EPHA10: variants seen among roughly 807,000 people sequenced by gnomAD.
EPHA10 encodes the protein ephrin type-A receptor 10.
EPHA10 carries 120 observed loss-of-function variants against 109.7 expected under a neutral mutation model. The ratio of observed to expected loss-of-function variants is 1.09; its 90% CI spans 0.94 to 1.27. The LOEUF is 1.27. Among genes scored for constraint, EPHA10 ranks in the 50% most tolerant of loss-of-function variants. The pLI is 0.00. For missense variants in EPHA10, 1,396 were observed against 1,411.1 expected (o/e 0.99, Z 0.17); for synonymous variants, 640 against 618.9 (o/e 1.03, Z -0.51).
At chr1:37,747,665 G>A (rs754485693) in intron 5 of EPHA10, among the ~76,000 whole-genome samples, 6 of 152,068 alleles carry the variant, frequency 3.9e-5, no homozygotes, top group Non-Finnish European at 8.8e-5. Flanking sequence ...CTACTTGGGA[G>A]GCTGAGGCAG....
At chr1:37,742,393 A>G (rs1481125174) in intron 5 of EPHA10, among the ~76,000 whole-genome samples, 24 of 152,226 alleles carry the variant, frequency 1.6e-4, no homozygotes, top group Non-Finnish European at 2.9e-4. Flanking sequence ...TGGGCTTACA[A>G]TCCAGTTCTG....
rs1319256616 is a variant in EPHA10 at position 37,719,509 on chromosome 1, T to C, written c.2661A>G (p.Pro887=). 7 of 1,613,980 alleles carry C rather than the reference T, an allele frequency of 4.3e-6. No homozygotes were observed. Among genetic ancestry groups the C allele is most frequent in the Non-Finnish European group, 5.1e-6 (6 of 1,179,984 alleles). Residue 887 remains proline (P), a synonymous_variant, in exon 15 of 17, where the codon CCA becomes CCG. Coordinates refer to ENST00000373048, the MANE Select transcript of EPHA10 (RefSeq NM_001099439.2). ...RLMLDCWQKD[P]GERPRFSQIH... is the part of the protein sequence containing the mutation. ...TCTGGGAGAACCTGGGCCGCTCACCTGGGTCCTTCTGCCAGCAGTCGAGCA... is the reference window on the plus strand; with the variant it reads ...TCTGGGAGAACCTGGGCCGCTCACCCGGGTCCTTCTGCCAGCAGTCGAGCA...
At chr1:37,749,948 A>C (rs1450308201) in intron 5 of EPHA10, among the ~76,000 whole-genome samples, 3 of 152,204 alleles carry the variant, frequency 2.0e-5, no homozygotes, top group Non-Finnish European at 2.9e-5. Context: ...GGAGTCTTTC[A>C]GCTCCGTTAT....
intron 7 of EPHA10, among the ~76,000 whole-genome samples, chr1:37,729,554 C>T (rs11807690): frequency 0.017 from 2,537 of 151,600 alleles, 69 homozygotes; most frequent in African/African-American, 0.058. Flanking sequence ...AAGATTCCAT[C>T]GCTCTTTTTA....
chr1:37,741,127 T>C (rs1646146625), intron 5 of EPHA10, among the ~76,000 whole-genome samples: 1 of 152,186 alleles, frequency 6.6e-6, no homozygotes, highest in South Asian at 2.1e-4. Context: ...TGAGCCTCAG[T>C]TTCCCCGTGT....
At chr1:37,730,841 G>A (rs568490071) in intron 7 of EPHA10, among the ~76,000 whole-genome samples, 21 of 152,078 alleles carry the variant, frequency 1.4e-4, no homozygotes, top group African/African-American at 4.3e-4. Flanking sequence ...ACAGGTGCCC[G>A]CCACCACGCC....
At position 37,754,146 on chromosome 1, in the gene EPHA10, G is replaced by A; in HGVS notation, c.1006+69C>T. ...GAGACCCTGCCCTCACCACCACCTG[G>A]ATCAGGCCTTCCTTCTTGGCCACTC... On this transcript the variant is annotated intron_variant, in intron 4 of 16. Coordinates refer to ENST00000373048, the MANE Select transcript of EPHA10 (RefSeq NM_001099439.2). The surrounding 1 kb of genome is among the most constrained non-coding windows in gnomAD (Gnocchi z 4.5). The A allele has an allele frequency of 1.6e-6, 2 of 1,249,336 alleles. No homozygotes were observed. Among genetic ancestry groups the A allele is most frequent in the Non-Finnish European group, 2.0e-6 (2 of 989,084 alleles). The allele number at this position is 1,249,336 out of a possible 1,614,324, so 77.4% of individuals were successfully genotyped here.
chr1:37,760,372 G>C (rs1468122848), intron 3 of EPHA10: 144 of 1,053,160 alleles, frequency 1.4e-4, no homozygotes, highest in Non-Finnish European at 1.6e-4. Flanking sequence ...GAGAGAATGA[G>C]AGGTCTGTTC....
At chr1:37,742,117 TC>T (rs747512214) in intron 5 of EPHA10, among the ~76,000 whole-genome samples, 70 of 152,304 alleles carry the variant, frequency 4.6e-4, no homozygotes, top group Non-Finnish European at 8.2e-4. Flanking sequence ...GCCTGATAAA[TC>T]CTGCTAGTGG....
intron 16 of EPHA10, 39 bp downstream of exon 16, chr1:37,718,622 C>T (rs763867002): frequency 1.6e-5 from 26 of 1,612,786 alleles, no homozygotes; most frequent in Non-Finnish European, 1.8e-5. Flanking sequence ...CCTGTGGAAT[C>T]CCCCAGCCCC....
intron 4 of EPHA10, among the ~76,000 whole-genome samples, chr1:37,753,860 T>G (rs1281191759): frequency 6.6e-6 from 1 of 151,738 alleles, no homozygotes; most frequent in East Asian, 1.9e-4. Context: ...GATGGCAGCA[T>G]GGGGACCGAA....
At position 37,721,745 on chromosome 1, in the gene EPHA10, CTG is replaced by C; in HGVS notation, c.2059_2060del (p.Gln687GlufsTer15). The C allele has an allele frequency of 6.2e-7, 1 of 1,612,756 alleles. No individual in the cohort carries two copies. On this transcript the variant is annotated frameshift_variant, in exon 11 of 17. Coordinates refer to ENST00000373048, the MANE Select transcript of EPHA10 (RefSeq NM_001099439.2). LOFTEE classifies it high-confidence loss of function. ...GGGCCTCGGCCAGGAAGCCGAGCCT[CTG>C]TGAGTCGGAGGCGCTGTCCCTCAGC... ...HMLRDSASDSQRLGFLAEALT... is the reference protein window; with the variant it reads ...HMLRDSASDSXRLGFLAEALT...
chr1:37,729,406 T>C (rs950853178), intron 7 of EPHA10, among the ~76,000 whole-genome samples: 1 of 152,158 alleles, frequency 6.6e-6, no homozygotes, highest in Non-Finnish European at 1.5e-5. Flanking sequence ...AGCACAGTGG[T>C]GACGCATAAG....
chr1:37,719,666 G>A (rs1645754556), intron 14 of EPHA10, 59 bp from the exon 15 acceptor site: 6 of 1,585,614 alleles, frequency 3.8e-6, no homozygotes, highest in South Asian at 1.1e-5. Context: ...CATATGGTGT[G>A]TGCACACACA....
chr1:37,742,410 A>G (rs1002599005), intron 5 of EPHA10, among the ~76,000 whole-genome samples: 2 of 152,252 alleles, frequency 1.3e-5, no homozygotes, highest in African/African-American at 4.8e-5. Flanking sequence ...TCTGGCCAAC[A>G]AAAGAAGTTA....
intron 1 of EPHA10, among the ~76,000 whole-genome samples, chr1:37,763,689 T>G (rs1646452533): frequency 6.6e-6 from 1 of 151,572 alleles, no homozygotes; most frequent in Non-Finnish European, 1.5e-5. Flanking sequence ...AGAAAGTGAG[T>G]AGTGAATGTA....
intron 3 of EPHA10, among the ~76,000 whole-genome samples, chr1:37,759,502 G>A (rs1646414805): frequency 6.6e-6 from 1 of 152,142 alleles, no homozygotes; most frequent in Non-Finnish European, 1.5e-5. Flanking sequence ...TTAGCTCTCT[G>A]TTTATGTTTC....
chr1:37,734,559 T>TA (rs957479857), intron 6 of EPHA10: 1 of 436,118 alleles, frequency 2.3e-6, no homozygotes, highest in East Asian at 7.2e-5. Context: ...AATAAATAAA[T>TA]AATAAAGGTA....
intron 8 of EPHA10, among the ~76,000 whole-genome samples, chr1:37,725,054 G>C (rs183596134): frequency 1.3e-5 from 2 of 152,292 alleles, no homozygotes; most frequent in East Asian, 3.9e-4. Flanking sequence ...TAGAGAAAAG[G>C]GGGTGAGGAT....
Sources: allele counts gnomAD v4.1 joint callset (sites outside exome capture counted in the v4.1 genomes callset), GRCh38; gene constraint gnomAD v4.1.1; non-coding constraint Gnocchi (gnomAD v3.1); transcripts MANE v1.5; gene names NCBI Gene and HGNC (gene_info 2026-07-23, HGNC 2026-07-21).